SUGCT: variants seen among roughly 807,000 people sequenced by gnomAD.
SUGCT encodes the protein succinyl-CoA:glutarate-CoA transferase, also known as succinyl-CoA:glutarate CoA-transferase.
Under a neutral mutation model 55.0 loss-of-function variants are expected in SUGCT, and 41 were observed. The ratio of observed to expected loss-of-function variants is 0.74; its 90% CI spans 0.58 to 0.97. The LOEUF (loss-of-function observed/expected upper bound fraction) is 0.97. SUGCT is among the 50% of genes least tolerant of loss of function. The pLI is 0.00. For missense variants in SUGCT, 568 were observed against 547.8 expected (o/e 1.04, Z -0.37); for synonymous variants, 187 against 200.4 (o/e 0.93, Z 0.56).
rs767642674 is a variant in SUGCT, at chr7:40,860,362, G to A, written c.1200G>A (p.Pro400=). The change falls in exon 14 of 14, where the codon CCG becomes CCA. Residue 400 remains proline (P), a synonymous_variant. Transcript: ENST00000335693. ...AGTTCAAGATGTCAGAGGCCAGGCC[G>A]CCCCCGCTGCTCGGGCAGCACACAA... ...YSKFKMSEAR[P]PPLLGQHTTH... is the part of the protein sequence containing the mutation. The A allele has an allele frequency of 9.2e-5, 149 of 1,613,776 alleles. No individual in the cohort carries two copies. The highest frequency in any genetic ancestry group is 1.2e-4 in the Non-Finnish European group (141 of 1,179,832).
intron 12 of SUGCT, among the ~76,000 whole-genome samples, chr7:40,607,706 G>C (rs972903488): frequency 2.0e-5 from 3 of 152,148 alleles, no homozygotes; most frequent in East Asian, 1.9e-4. Context: ...AAGACTTGTT[G>C]AGTGCATACT....
intron 9 of SUGCT, among the ~76,000 whole-genome samples, chr7:40,375,234 G>A (rs1199079203): frequency 6.6e-6 from 1 of 152,140 alleles, no homozygotes; most frequent in African/African-American, 2.4e-5. Flanking sequence ...AGGGTCAGTG[G>A]GAGAATGGTG....
At chr7:40,978,740 G>C in the SUGCT span, among the ~76,000 whole-genome samples, 316 of 152,284 alleles carry the variant, frequency 2.1e-3, no homozygotes, top group African/African-American at 6.8e-3. Context: ...AAGGCCATGA[G>C]GCAGAAAAAG....
intron 6 of SUGCT, among the ~76,000 whole-genome samples, chr7:40,220,941 TGAA>T (rs1739585158): frequency 6.6e-6 from 1 of 152,218 alleles, no homozygotes; most frequent in African/African-American, 2.4e-5. Flanking sequence ...TTTTCTGTAT[TGAA>T]GATGCATTCA....
intron 13 of SUGCT, among the ~76,000 whole-genome samples, chr7:40,776,280 A>C (rs987270766): frequency 2.6e-5 from 4 of 152,204 alleles, no homozygotes; most frequent in Admixed American, 2.0e-4. Context: ...AAATAGGAAA[A>C]AGAACACAAA....
At chr7:40,440,143 G>GTTTTTTT (rs1788425532) in intron 9 of SUGCT, among the ~76,000 whole-genome samples, 1 of 102,412 alleles carries the variant, frequency 9.8e-6, no homozygotes, top group African/African-American at 4.1e-5. Context: ...CTGTGTGTGT[G>GTTTTTTT]TGTTTTTTTT....
At chr7:40,227,478 C>CTTCA (rs1352300529) in intron 6 of SUGCT, among the ~76,000 whole-genome samples, 1 of 152,118 alleles carries the variant, frequency 6.6e-6, no homozygotes, top group Non-Finnish European at 1.5e-5. Context: ...AATCCCCTCA[C>CTTCA]TTCAGCCTCC....
the SUGCT span, among the ~76,000 whole-genome samples, chr7:40,931,226 A>G: frequency 1.3e-5 from 2 of 152,180 alleles, no homozygotes; most frequent in East Asian, 1.9e-4. Context: ...GATTACATTT[A>G]TTGATTTACA....
chr7:40,271,792 C>T (rs952728090), intron 7 of SUGCT, among the ~76,000 whole-genome samples: 7 of 151,914 alleles, frequency 4.6e-5, no homozygotes, highest in Non-Finnish European at 1.0e-4. Flanking sequence ...TCCATCTAAG[C>T]GTATGTTTGT....
At chr7:40,162,643 A>T (rs1784234334) in intron 1 of SUGCT, among the ~76,000 whole-genome samples, 1 of 152,076 alleles carries the variant, frequency 6.6e-6, no homozygotes, top group Non-Finnish European at 1.5e-5. Context: ...TTCCCAGCTG[A>T]CTTTTTTACT....
chr7:40,201,973 ATTTCT>A (rs939456367), intron 6 of SUGCT, among the ~76,000 whole-genome samples: 3 of 151,588 alleles, frequency 2.0e-5, no homozygotes, highest in Non-Finnish European at 4.4e-5. Flanking sequence ...CTCCTCAGTT[ATTTCT>A]TTTCTTTTCT....
At chr7:40,588,053 C>T (rs1797490987) in intron 12 of SUGCT, among the ~76,000 whole-genome samples, 1 of 151,880 alleles carries the variant, frequency 6.6e-6, no homozygotes, top group African/African-American at 2.4e-5. Flanking sequence ...CAGGCGTGTG[C>T]CACCATGCCC....
intron 6 of SUGCT, 45 bp from the exon 7 acceptor site, chr7:40,237,590 G>C (rs1355180690): frequency 6.8e-7 from 1 of 1,471,048 alleles, no homozygotes; most frequent in East Asian, 2.3e-5. Flanking sequence ...AGTGGTTTTA[G>C]CACACCCTGT....
chr7:40,540,745 G>A (rs1310367822), intron 12 of SUGCT, among the ~76,000 whole-genome samples: 1 of 152,228 alleles, frequency 6.6e-6, no homozygotes, highest in East Asian at 1.9e-4. Flanking sequence ...GAGTGTCCCT[G>A]CACATGGGAC....
chr7:40,452,580 A>G (rs1215288068), intron 10 of SUGCT, among the ~76,000 whole-genome samples: 1 of 152,200 alleles, frequency 6.6e-6, no homozygotes, highest in Non-Finnish European at 1.5e-5. Flanking sequence ...TTTAAGGCCT[A>G]CTGTAAGTCT....
At chr7:40,870,522 A>G in the SUGCT span, among the ~76,000 whole-genome samples, 1 of 152,198 alleles carries the variant, frequency 6.6e-6, no homozygotes. Flanking sequence ...AATCACATCC[A>G]TAAAGTCTTT....
At chr7:40,761,963 G>A (rs1233267553) in intron 13 of SUGCT, among the ~76,000 whole-genome samples, 2 of 152,194 alleles carry the variant, frequency 1.3e-5, no homozygotes, top group Non-Finnish European at 2.9e-5. Context: ...AACACTGGGC[G>A]GGAGAGGGTT....
intron 12 of SUGCT, among the ~76,000 whole-genome samples, chr7:40,708,818 C>T (rs1190258461): frequency 1.3e-5 from 2 of 152,112 alleles, no homozygotes; most frequent in African/African-American, 2.4e-5. Context: ...TATTCCCTTC[C>T]GCTTCTTTCT....
the SUGCT span, among the ~76,000 whole-genome samples, chr7:41,004,071 GC>G: frequency 1.3e-5 from 2 of 152,066 alleles, no homozygotes; most frequent in African/African-American, 4.8e-5. Flanking sequence ...TTCCTGGATC[GC>G]CCCACTAAGG....
Sources: allele counts gnomAD v4.1 joint callset (sites outside exome capture counted in the v4.1 genomes callset), GRCh38; gene constraint gnomAD v4.1.1; transcripts MANE v1.5; gene names NCBI Gene and HGNC (gene_info 2026-07-23, HGNC 2026-07-21).